The following SIX4 variants were observed in gnomAD, a reference collection of about 807,000 sequenced individuals.
SIX4 encodes the protein SIX homeobox 4.
SIX4 carries 23 observed loss-of-function variants against 51.5 expected under a neutral mutation model. That is an observed-to-expected ratio of 0.45 (90% CI 0.32 to 0.63). SIX4 has a LOEUF of 0.63. Among genes scored for constraint, SIX4 ranks in the 30% least tolerant of loss-of-function variants. The pLI is 0.04. For missense variants in SIX4, 867 were observed against 984.0 expected, an observed-to-expected ratio of 0.88 and a Z score of 1.59; for synonymous variants, 413 against 417.3, an observed-to-expected ratio of 0.99 and a Z score of 0.13.
chr14:60,713,057 CTA>C lies in SIX4; in HGVS notation c.*348_*349del, dbSNP rs760328902. On this transcript the variant is annotated 3_prime_UTR_variant, in exon 3 of 3. Transcript: ENST00000216513. ...ATGGTCTGCAGCTATCTTTAATTTT[CTA>C]TGTTAGGTGTATACATTTTTTAATT... The C allele has an allele frequency of 2.2e-5, 4 of 178,206 alleles. No homozygotes were observed. Among genetic ancestry groups the C allele is most frequent in the Non-Finnish European group, 4.7e-5 (4 of 85,688 alleles). The allele number at this position is 178,206 out of a possible 1,614,324, so 11.0% of individuals were successfully genotyped here.
At position 60,723,761 on chromosome 14, in the gene SIX4, G is replaced by A. The variant is rs920961519; in HGVS notation, c.314C>T (p.Pro105Leu). The A allele has an allele frequency of 1.3e-6, 2 of 1,540,808 alleles. No individual in the cohort carries two copies. The highest frequency in any genetic ancestry group is 1.7e-6 in the Non-Finnish European group (2 of 1,147,352). The change falls in exon 1 of 3, where the codon CCG (proline) becomes CTG (leucine). Residue 105 changes from proline to leucine, a missense_variant. Pro to Leu is a moderately conservative substitution (Grantham distance 98, BLOSUM62 -3). Transcript: ENST00000216513. Reference sequence around the variant, plus strand: ...GACGTGGTCGGGCGAGAAGGCCAGCGGGGTCTGCGCGGCGGCGGCGGCGGC... The same window carrying A: ...GACGTGGTCGGGCGAGAAGGCCAGCAGGGTCTGCGCGGCGGCGGCGGCGGC... Reference protein sequence around the residue: ...HHAAAAAAQTPLAFSPDHVAC... With the variant: ...HHAAAAAAQTLLAFSPDHVAC...
At position 60,723,474 on chromosome 14, in the gene SIX4, G is replaced by T; in HGVS notation, c.601C>A (p.Pro201Thr). The T allele has an allele frequency of 6.2e-7, 1 of 1,607,156 alleles. No homozygotes were observed. Among genetic ancestry groups the T allele is most frequent in the South Asian group, 1.1e-5 (1 of 91,004 alleles). ...CGGTACTTGTCTACGGCTCCCAGCG[G>T]CCGGCCGCGGGCTCGCTCGGCCTCG... is the stretch of plus-strand genomic sequence containing the variant. Reference protein sequence around the residue: ...YTEAERARGRPLGAVDKYRLR... With the variant: ...YTEAERARGRTLGAVDKYRLR... The change falls in exon 1 of 3, where the codon CCG becomes ACG. Residue 201 changes from proline to threonine, a missense_variant. Coordinates refer to ENST00000216513, the MANE Select transcript of SIX4 (RefSeq NM_017420.5).
In SIX4 at chr14:60,719,846, T is replaced by C. The variant is rs1433703709; in HGVS notation, c.1463A>G (p.Asn488Ser). The change falls in exon 2 of 3, where the codon AAT becomes AGT. Residue 488 changes from asparagine to serine, a missense_variant. Asn to Ser is a conservative substitution (Grantham distance 46). Coordinates refer to ENST00000216513, the MANE Select transcript of SIX4 (RefSeq NM_017420.5). This position sits in a 1 kb window ranked among gnomAD's most constrained non-coding sequence, Gnocchi z 4.9. ...AAGGAACTGGCTGTTTGCTCCGGAA[T>C]TGGGGATCTGGACAATGCCATACTG... ...INQYGIVQIP[N>S]SGANSQFLNG... is the part of the protein sequence containing the mutation. 6.8e-6 allele frequency: 11 copies of C among 1,614,064 alleles called. No homozygotes were observed. The highest frequency in any genetic ancestry group is 5.5e-5 in the South Asian group (5 of 91,086).
In SIX4 at chr14:60,723,521, A is replaced by AGCT; in HGVS notation, c.551_553dup (p.Gln184dup). 1.2e-6 allele frequency: 2 copies of AGCT among 1,607,004 alleles called. No individual in the cohort carries two copies. Among genetic ancestry groups the AGCT allele is most frequent in the Non-Finnish European group, 1.7e-6 (2 of 1,179,330 alleles). On this transcript the variant is annotated inframe_insertion, in exon 1 of 3. Coordinates refer to ENST00000216513, the MANE Select transcript of SIX4 (RefSeq NM_017420.5). Reference sequence around the variant, plus strand: ...CTCGGTGTAGCGCGCCTTGTACCAGAGCTGCTGCAGCAGCGGGTGGTTGGC... The same window carrying AGCT: ...CTCGGTGTAGCGCGCCTTGTACCAGAGCTGCTGCTGCAGCAGCGGGTGGTTGGC...
rs767534744 is a variant in SIX4, at chr14:60,713,741, G to T, written c.2012C>A (p.Thr671Asn). 3.1e-6 allele frequency: 5 copies of T among 1,614,126 alleles called. No individual in the cohort carries two copies. In the African/African-American group the frequency reaches 6.7e-5, roughly 22 times the overall value. ...YATLQNCSLI[T>N]GQDLLSVPMT... ...AGGGACTGACAATAGGTCTTGACCA[G>T]TAATAAGGGAGCAGTTCTGAAGAGT... is the stretch of plus-strand genomic sequence containing the variant. The change falls in exon 3 of 3, where the codon ACT (threonine) becomes AAT (asparagine). Residue 671 changes from threonine to asparagine, a missense_variant. Transcript: ENST00000216513.
At chr14:60,721,400 G>C (rs1360482729) in intron 1 of SIX4, among the ~76,000 whole-genome samples, 1 of 152,206 alleles carries the variant, frequency 6.6e-6, no homozygotes. Context: ...CAGAGGATCC[G>C]ACATCCCCGC....
rs1408919491 is a variant in SIX4 at position 60,720,804 on chromosome 14, A to C, written c.864-359T>G. ...ATGCTGCTACTGACACCATAGAAAA[A>C]AACACCTTAAATGAGGTGGTCGGTC... On this transcript the variant is annotated intron_variant, in intron 1 of 2. Coordinates refer to ENST00000216513, the MANE Select transcript of SIX4 (RefSeq NM_017420.5). The surrounding 1 kb of genome is among the most constrained non-coding windows in gnomAD (Gnocchi z 5.5). Among the ~76,000 whole-genome samples the C allele has an allele frequency of 6.6e-6, 1 of 152,174 alleles. No individual in the cohort carries two copies. The highest frequency in any genetic ancestry group is 1.5e-5 in the Non-Finnish European group (1 of 68,032).
Position 60,724,015 on chromosome 14 carries a change from A to G in SIX4, c.60T>C (p.Asn20=). 6.6e-7 allele frequency: 1 copy of G among 1,520,384 alleles called. No homozygotes were observed. The highest frequency in any genetic ancestry group is 8.8e-7 in the Non-Finnish European group (1 of 1,136,218). 94.2% of individuals were successfully genotyped at this position (1,520,384 alleles called of 1,614,324 possible). A position where few individuals can be genotyped will look rare whatever the true frequency, so the allele number is the denominator to read the frequency against. The change falls in exon 1 of 3, where the codon AAT becomes AAC. Residue 20 remains asparagine (N), a synonymous_variant. Transcript: ENST00000216513. ...IASAADIKQE[N]GMESASEGQE... ...GCCCTTCCGAGGCGCTTTCCATCCCATTCTCTTGCTTGATGTCCGCCGCAC... is the reference window on the plus strand; with the variant it reads ...GCCCTTCCGAGGCGCTTTCCATCCCGTTCTCTTGCTTGATGTCCGCCGCAC...
At position 60,709,874 on chromosome 14, in the gene SIX4, TG is replaced by T. The variant is rs1478359333; in HGVS notation, c.*3532del. On this transcript the variant is annotated 3_prime_UTR_variant, in exon 3 of 3. Transcript: ENST00000216513. The surrounding 1 kb of genome is among the most constrained non-coding windows in gnomAD (Gnocchi z 4.1). ...AGTACATGCAACAAAATAATATTTTTGAGAACTCTGAAAGCCAAAAGAGTCA... is the reference window on the plus strand; with the variant it reads ...AGTACATGCAACAAAATAATATTTTTAGAACTCTGAAAGCCAAAAGAGTCA... 1 of 152,652 alleles carries T rather than the reference TG, an allele frequency of 6.6e-6. No individual in the cohort carries two copies. Among genetic ancestry groups the T allele is most frequent in the Non-Finnish European group, 1.5e-5 (1 of 68,034 alleles). 9.5% of individuals were successfully genotyped at this position (152,652 alleles called of 1,614,324 possible).
chr14:60,714,286 A>C, intron 2 of SIX4, 83 bp from the exon 3 acceptor site: 8 of 1,219,774 alleles, frequency 6.6e-6, no homozygotes, highest in Non-Finnish European at 8.9e-6. Flanking sequence ...TTTCTCAGGT[A>C]CAGTATCTAT....
chr14:60,718,569 A>C (rs2140269559), intron 2 of SIX4, among the ~76,000 whole-genome samples: 1 of 152,322 alleles, frequency 6.6e-6, no homozygotes, highest in South Asian at 2.1e-4. Flanking sequence ...TTATCAAACT[A>C]AGCACTTTGG....
chr14:60,723,966 C>G lies in SIX4; in HGVS notation c.109G>C (p.Gly37Arg), dbSNP rs572307917. 3 of 1,511,648 alleles carry G rather than the reference C, an allele frequency of 2.0e-6. No individual in the cohort carries two copies. The African/African-American group carries it at 4.2e-5, about 21-fold the overall frequency. 93.6% of individuals were successfully genotyped at this position (1,511,648 alleles called of 1,614,324 possible). The change falls in exon 1 of 3, where the codon GGG becomes CGG. Residue 37 changes from glycine (G) to arginine (R), a missense_variant. Physicochemically the swap from Gly to Arg is moderately radical, Grantham distance 125 (BLOSUM62 -2). Transcript: ENST00000216513. ...GGGCTCAGCCCTACCGCCGCGCCCC[C>G]CGCCACTTCTCGGTGCGCCTCCTGC... The part of the protein sequence containing the change: ...EGQEAHREVA[G>R]GAAVGLSPPA...
chr14:60,723,920 G>T lies in SIX4; in HGVS notation c.155C>A (p.Pro52His). The T allele has an allele frequency of 2.6e-6, 4 of 1,516,008 alleles. No individual in the cohort carries two copies. The highest frequency in any genetic ancestry group is 3.5e-6 in the Non-Finnish European group (4 of 1,144,870). The allele number at this position is 1,516,008 out of a possible 1,614,324, so 93.9% of individuals were successfully genotyped here. A position where few individuals can be genotyped will look rare whatever the true frequency, so the allele number is the denominator to read the frequency against. Reference protein sequence around the residue: ...GLSPPAPAPFPLEPGDAATAA... With the variant: ...GLSPPAPAPFHLEPGDAATAA... ...GGTCGCGGCGTCCCCCGGCTCCAGG[G>T]GAAAAGGGGCTGGAGCCGGGGGGCT... The change falls in exon 1 of 3, where the codon CCC becomes CAC. Residue 52 changes from proline to histidine, a missense_variant. Pro to His is a moderately conservative substitution (Grantham distance 77). Coordinates refer to ENST00000216513, the MANE Select transcript of SIX4 (RefSeq NM_017420.5).
chr14:60,716,630 C>T (rs1566738202), intron 2 of SIX4, among the ~76,000 whole-genome samples: 1 of 152,014 alleles, frequency 6.6e-6, no homozygotes. Context: ...TCAAGTGATC[C>T]TCCTGCCTCA....
Position 60,715,390 on chromosome 14 carries a change from G to GTT in SIX4, c.1550-1189_1550-1188dup, listed in dbSNP as rs532542856. Among the ~76,000 whole-genome samples the GTT allele has an allele frequency of 1.6e-4, 25 of 152,288 alleles. No individual in the cohort carries two copies. In the East Asian group the frequency reaches 4.8e-3, roughly 29 times the overall value. ...TAACCATATAAACCTGTATAGACAA[G>GTT]TTGCAAACTTTCACCAAACTAGCCA... is the stretch of plus-strand genomic sequence containing the variant. On this transcript the variant is annotated intron_variant, in intron 2 of 2. Transcript: ENST00000216513.
In SIX4 at chr14:60,720,079, T is replaced by C. The variant is rs1895994104; in HGVS notation, c.1230A>G (p.Ile410Met). 1 of 1,614,256 alleles carries C rather than the reference T, an allele frequency of 6.2e-7. No homozygotes were observed. The highest frequency in any genetic ancestry group is 8.5e-7 in the Non-Finnish European group (1 of 1,180,044). The part of the protein sequence containing the change: ...IVSNGISMTD[I>M]LGSTSQDVKE... Reference sequence around the variant, plus strand: ...TCACGTCCTGGGAAGTAGACCCCAGTATGTCAGTCATGGATATACCATTGC... The same window carrying C: ...TCACGTCCTGGGAAGTAGACCCCAGCATGTCAGTCATGGATATACCATTGC... Residue 410 changes from isoleucine to methionine, a missense_variant, in exon 2 of 3, where the codon ATA becomes ATG. Coordinates refer to ENST00000216513, the MANE Select transcript of SIX4 (RefSeq NM_017420.5). This position sits in a 1 kb window ranked among gnomAD's most constrained non-coding sequence, Gnocchi z 5.5.
At chr14:60,715,692 G>A (rs530270691) in intron 2 of SIX4, among the ~76,000 whole-genome samples, 4 of 152,078 alleles carry the variant, frequency 2.6e-5, no homozygotes, top group South Asian at 2.1e-4. Flanking sequence ...CAATGTACAC[G>A]AATTAGACCC....
Position 60,723,445 on chromosome 14 carries a change from C to T in SIX4, c.630G>A (p.Leu210=), listed in dbSNP as rs1054619383. 5 of 1,609,658 alleles carry T rather than the reference C, an allele frequency of 3.1e-6. No homozygotes were observed. The African/African-American group carries it at 5.3e-5, about 17-fold the overall frequency. ...TGCGGGGCAGGGGGAATTTCCTGCG[C>T]AGCCGGTACTTGTCTACGGCTCCCA... ...RPLGAVDKYR[L]RRKFPLPRTI... The change falls in exon 1 of 3, where the codon CTG becomes CTA. Residue 210 remains leucine (L), a synonymous_variant. Coordinates refer to ENST00000216513, the MANE Select transcript of SIX4 (RefSeq NM_017420.5).
In SIX4 at chr14:60,722,360, GCTGCCGCCCGCCGTAAGCCGGC is replaced by G. The variant is rs1316165029; in HGVS notation, c.863+830_863+851del. ...GGGGTGGGAGCGCCCCCACTCCTTTGCTGCCGCCCGCCGTAAGCCGGCCTGCCCCCCACCCATAACTACCGTA... is the reference window on the plus strand; with the variant it reads ...GGGGTGGGAGCGCCCCCACTCCTTTGCTGCCCCCCACCCATAACTACCGTA... On this transcript the variant is annotated intron_variant, in intron 1 of 2. Transcript: ENST00000216513. The surrounding 1 kb of genome is among the most constrained non-coding windows in gnomAD (Gnocchi z 5.9). Among the ~76,000 whole-genome samples the G allele has an allele frequency of 3.3e-5, 5 of 152,078 alleles. No homozygotes were observed. Among genetic ancestry groups the G allele is most frequent in the African/African-American group, 1.2e-4 (5 of 41,442 alleles).
Sources: gnomAD v4.1 joint callset for allele counts (sites outside exome capture counted in the v4.1 genomes callset) on GRCh38, gnomAD v4.1.1 for gene constraint, Gnocchi (gnomAD v3.1) non-coding constraint, MANE v1.5 for transcripts, NCBI Gene and HGNC (gene_info 2026-07-23, HGNC 2026-07-21) for gene names.